Variants in GRIK2 observed in about 807,000 individuals in gnomAD.
The protein encoded by GRIK2 is glutamate ionotropic receptor kainate type subunit 2.
Under a neutral mutation model 100.3 loss-of-function variants are expected in GRIK2, and 32 were observed. The observed-to-expected ratio is 0.32, with a 90% CI of 0.24 to 0.43. The LOEUF is 0.43. Ranked by LOEUF, GRIK2 falls within the 20% of genes least tolerant of loss-of-function variation. The pLI is 1.00. For missense variants in GRIK2, 843 were observed against 1,114.9 expected (o/e 0.76, Z 3.47); for synonymous variants, 417 against 389.4 (o/e 1.07, Z -0.83).
At chr6:101,888,438 ATTG>A (rs1478388687) in intron 11 of GRIK2, among the ~76,000 whole-genome samples, 1 of 152,186 alleles carries the variant, frequency 6.6e-6, no homozygotes, top group African/African-American at 2.4e-5. Context: ...ATTAGCAATT[ATTG>A]TTTTAAATTG....
At chr6:101,447,256 T>G (rs1038951108) in intron 2 of GRIK2, among the ~76,000 whole-genome samples, 2 of 151,540 alleles carry the variant, frequency 1.3e-5, no homozygotes, top group African/African-American at 4.8e-5. Context: ...TTTATAAATA[T>G]GTCCTCCTAG....
rs141127626 is a variant in GRIK2, at chr6:101,805,395, G to A, written c.1203+2957G>A. ...AATACTATGGCCTCTAAAAGAACCC[G>A]GAAGTACCATCTTGAAATAAATTGA... On this transcript the variant is annotated intron_variant, in intron 9 of 16. Transcript: ENST00000369134. 5.3e-5 allele frequency among the ~76,000 whole-genome samples: 8 copies of A among 151,482 alleles called. No individual in the cohort carries two copies. The East Asian group carries it at 9.7e-4, about 18-fold the overall frequency.
At chr6:101,686,578 T>C (rs1292980012) in intron 7 of GRIK2, among the ~76,000 whole-genome samples, 2 of 152,136 alleles carry the variant, frequency 1.3e-5, no homozygotes, top group Non-Finnish European at 2.9e-5. Flanking sequence ...GCATTACAAC[T>C]ATCACCAGGG....
At chr6:101,556,173 G>A (rs898547101) in intron 2 of GRIK2, among the ~76,000 whole-genome samples, 1 of 151,108 alleles carries the variant, frequency 6.6e-6, no homozygotes, top group Admixed American at 6.6e-5. Flanking sequence ...ATTATCCGAA[G>A]GTATCTTTTT....
chr6:101,658,001 T>C (rs1333856227), intron 4 of GRIK2, among the ~76,000 whole-genome samples: 3 of 152,166 alleles, frequency 2.0e-5, no homozygotes, highest in Admixed American at 1.3e-4. Context: ...TACCCTAGTT[T>C]ACCAACCCAT....
At chr6:101,955,185 T>G (rs953410317) in intron 14 of GRIK2, among the ~76,000 whole-genome samples, 4 of 151,902 alleles carry the variant, frequency 2.6e-5, no homozygotes, top group African/African-American at 9.7e-5. Context: ...TTTTGGGGGG[T>G]TTTGATATCA....
intron 2 of GRIK2, among the ~76,000 whole-genome samples, chr6:101,445,344 T>G (rs1770317870): frequency 6.6e-6 from 1 of 152,106 alleles, no homozygotes; most frequent in African/African-American, 2.4e-5. Context: ...TCTCATTACT[T>G]GAACATATTC....
intron 7 of GRIK2, among the ~76,000 whole-genome samples, chr6:101,724,182 TAA>T (rs67211323): frequency 1.5e-5 from 2 of 136,392 alleles, no homozygotes; most frequent in Admixed American, 7.3e-5. Context: ...ATAGTCTTTA[TAA>T]AAAAAAAAAT....
chr6:101,415,365 C>CTTTTTT (rs55751504), intron 2 of GRIK2, among the ~76,000 whole-genome samples: 27 of 100,750 alleles, frequency 2.7e-4, no homozygotes, highest in Non-Finnish European at 3.4e-4. Flanking sequence ...TTTTCCATAA[C>CTTTTTT]TTTTTTTTTT....
intron 7 of GRIK2, among the ~76,000 whole-genome samples, chr6:101,758,608 A>C (rs1583086410): frequency 6.6e-6 from 1 of 152,210 alleles, no homozygotes; most frequent in Admixed American, 6.5e-5. Context: ...AGTTTTAATA[A>C]GAATACAATG....
At chr6:101,613,481 T>C (rs1304096418) in intron 2 of GRIK2, among the ~76,000 whole-genome samples, 3 of 151,778 alleles carry the variant, frequency 2.0e-5, no homozygotes, top group African/African-American at 7.3e-5. Flanking sequence ...ATGATAGAAT[T>C]AGGCCCCAAG....
chr6:101,593,276 A>G (rs1239285314), intron 2 of GRIK2, among the ~76,000 whole-genome samples: 1 of 151,910 alleles, frequency 6.6e-6, no homozygotes, highest in African/African-American at 2.4e-5. Flanking sequence ...AACTTCCTTC[A>G]TAAAGATTTC....
At chr6:101,744,367 C>T (rs947936541) in intron 7 of GRIK2, among the ~76,000 whole-genome samples, 14 of 151,146 alleles carry the variant, frequency 9.3e-5, no homozygotes, top group African/African-American at 2.7e-4. Flanking sequence ...TGAGAATATA[C>T]GATGTTTGGT....
intron 14 of GRIK2, among the ~76,000 whole-genome samples, chr6:102,015,389 C>T (rs977242104): frequency 4.6e-5 from 7 of 152,126 alleles, no homozygotes; most frequent in African/African-American, 1.7e-4. Context: ...CTTCTTTACC[C>T]ACTTGCCACT....
chr6:102,014,002 T>C (rs541306579), intron 14 of GRIK2, among the ~76,000 whole-genome samples: 36 of 133,026 alleles, frequency 2.7e-4, no homozygotes, highest in South Asian at 7.2e-4. Flanking sequence ...TCAGTAGGAA[T>C]GGCACCAGCT....
chr6:101,906,366 C>CTGTGTG (rs141112872), intron 12 of GRIK2, among the ~76,000 whole-genome samples: 5 of 145,834 alleles, frequency 3.4e-5, no homozygotes, highest in African/African-American at 5.0e-5. Flanking sequence ...AAAACAAGAT[C>CTGTGTG]TGTGTGTGTG....
In GRIK2 at chr6:101,570,415, A is replaced by G. The variant is rs555775887; in HGVS notation, c.116-51534A>G. 5.9e-4 allele frequency among the ~76,000 whole-genome samples: 89 copies of G among 152,128 alleles called. 1 individual carries two copies. The highest frequency in any genetic ancestry group is 7.2e-4 in the Non-Finnish European group (49 of 67,998). ...GAAGGACAAATCAGGATAAATAAAG[A>G]TAGAGTTTCATTCTCCTTTGTCACT... On this transcript the variant is annotated intron_variant, in intron 2 of 16. Coordinates refer to ENST00000369134, the MANE Select transcript of GRIK2 (RefSeq NM_021956.5).
intron 16 of GRIK2, among the ~76,000 whole-genome samples, chr6:102,058,264 G>A (rs1771563025): frequency 6.6e-6 from 1 of 151,544 alleles, no homozygotes; most frequent in Admixed American, 6.6e-5. Flanking sequence ...CTTGCTGTTA[G>A]GACAAATACC....
At chr6:101,800,716 T>C (rs1157264516) in intron 8 of GRIK2, among the ~76,000 whole-genome samples, 1 of 152,088 alleles carries the variant, frequency 6.6e-6, no homozygotes, top group East Asian at 1.9e-4. Flanking sequence ...GAATATGCAG[T>C]TTATTAGTTG....
Sources: allele counts gnomAD v4.1 joint callset (sites outside exome capture counted in the v4.1 genomes callset), GRCh38; gene constraint gnomAD v4.1.1; transcripts MANE v1.5; gene names NCBI Gene and HGNC (gene_info 2026-07-23, HGNC 2026-07-21).